DIP2C: variants seen among roughly 807,000 people sequenced by gnomAD.
DIP2C encodes DIP2 acetate--CoA ligase C (putative), also known as disco-interacting protein 2 homolog C.
A neutral mutation model predicts 192.4 loss-of-function variants in DIP2C; 33 were observed. The ratio of observed to expected loss-of-function variants is 0.17; its 90% CI spans 0.13 to 0.23. DIP2C has a LOEUF of 0.23. DIP2C is among the 10% of genes least tolerant of loss of function. DIP2C has a pLI of 1.00. For missense variants in DIP2C, 1,537 were observed against 2,110.1 expected, an observed-to-expected ratio of 0.73 and a Z score of 5.32; for synonymous variants, 979 against 864.1, an observed-to-expected ratio of 1.13 and a Z score of -2.33.
At chr10:285,680 G>A (rs3097721) in intron 34 of DIP2C, among the ~76,000 whole-genome samples, 149,491 of 152,326 alleles carry the variant, frequency 0.98, 73,416 homozygotes, top group East Asian at 1. Flanking sequence ...GGTGTCAAGA[G>A]AGGAGACCAA....
chr10:430,010 TGAGA>T (rs1162421594), intron 4 of DIP2C, among the ~76,000 whole-genome samples: 1 of 152,182 alleles, frequency 6.6e-6, no homozygotes, highest in African/African-American at 2.4e-5. Context: ...CAGCAATGAA[TGAGA>T]GAGAATTCCC....
intron 2 of DIP2C, 111 bp downstream of exon 2, chr10:486,348 G>T: frequency 2.0e-6 from 2 of 993,612 alleles, no homozygotes; most frequent in Non-Finnish European, 3.0e-6. Flanking sequence ...AACGCCAGAC[G>T]CCTCCTCCTG....
At chr10:373,042 T>C (rs541658447) in intron 17 of DIP2C, among the ~76,000 whole-genome samples, 16 of 152,294 alleles carry the variant, frequency 1.1e-4, no homozygotes, top group South Asian at 8.3e-4. Flanking sequence ...TTCCTCACTT[T>C]CAGATGAGAA....
chr10:375,196 G>A (rs567074885), intron 17 of DIP2C, among the ~76,000 whole-genome samples: 17 of 152,336 alleles, frequency 1.1e-4, no homozygotes, highest in African/African-American at 2.9e-4. Flanking sequence ...GCCTGTTCTC[G>A]CAGTAACACG....
chr10:530,992 C>G (rs1443469133), intron 1 of DIP2C, among the ~76,000 whole-genome samples: 1 of 152,164 alleles, frequency 6.6e-6, no homozygotes, highest in East Asian at 1.9e-4. Context: ...CAGGCAGCCC[C>G]GACTGGACAG....
intron 4 of DIP2C, among the ~76,000 whole-genome samples, chr10:424,621 C>T (rs1182393607): frequency 6.6e-6 from 1 of 152,156 alleles, no homozygotes; most frequent in Non-Finnish European, 1.5e-5. Flanking sequence ...GCCTCAGCCT[C>T]CCAAAGTGCT....
At chr10:605,062 T>A (rs1337674790) in intron 1 of DIP2C, among the ~76,000 whole-genome samples, 2 of 151,948 alleles carry the variant, frequency 1.3e-5, no homozygotes, top group South Asian at 4.2e-4. Flanking sequence ...AACCTTGGAG[T>A]TTACAGAAAA....
At chr10:279,432 C>T (rs1954696569) in intron 36 of DIP2C, among the ~76,000 whole-genome samples, 1 of 152,224 alleles carries the variant, frequency 6.6e-6, no homozygotes, top group Non-Finnish European at 1.5e-5. Flanking sequence ...GGTGTGCTTG[C>T]TCCACTATCT....
intron 1 of DIP2C, among the ~76,000 whole-genome samples, chr10:578,718 TAC>T (rs1260275584): frequency 4.6e-5 from 7 of 152,108 alleles, no homozygotes; most frequent in African/African-American, 1.7e-4. Context: ...ATACTATATG[TAC>T]ATAGGTACAG....
chr10:578,147 A>G (rs1564220039), intron 1 of DIP2C, among the ~76,000 whole-genome samples: 1 of 152,188 alleles, frequency 6.6e-6, no homozygotes, highest in Non-Finnish European at 1.5e-5. Context: ...CTTTTATCCT[A>G]AATATCTTCT....
intron 1 of DIP2C, among the ~76,000 whole-genome samples, chr10:568,542 C>G (rs1018138541): frequency 9.9e-5 from 15 of 151,916 alleles, no homozygotes; most frequent in African/African-American, 3.4e-4. Flanking sequence ...CCGAGACGGG[C>G]GGATCATGAG....
At chr10:599,122 G>C (rs1270693350) in intron 1 of DIP2C, among the ~76,000 whole-genome samples, 1 of 152,162 alleles carries the variant, frequency 6.6e-6, no homozygotes, top group Admixed American at 6.5e-5. Flanking sequence ...TGGGAGCCAA[G>C]TTAGAGACCC....
At chr10:517,271 T>G (rs1441699251) in intron 1 of DIP2C, among the ~76,000 whole-genome samples, 1 of 152,194 alleles carries the variant, frequency 6.6e-6, no homozygotes, top group Non-Finnish European at 1.5e-5. Flanking sequence ...ATTTACTTAC[T>G]GCCCAGAACA....
At chr10:305,474 G>A (rs761326215) in intron 32 of DIP2C, among the ~76,000 whole-genome samples, 10 of 152,160 alleles carry the variant, frequency 6.6e-5, no homozygotes, top group Non-Finnish European at 1.5e-5. Context: ...CTGCTCTCAG[G>A]ATCTTGATAC....
Position 384,094 on chromosome 10 carries a change from G to A in DIP2C, c.1809C>T (p.His603=), listed in dbSNP as rs897882260. The A allele has an allele frequency of 3.1e-6, 5 of 1,612,220 alleles. No individual in the cohort carries two copies. Among genetic ancestry groups the A allele is most frequent in the African/African-American group, 2.7e-5 (2 of 74,692 alleles). Residue 603 remains histidine, a synonymous_variant, in exon 16 of 37, where the codon CAC becomes CAT. Transcript: ENST00000280886. The stretch of plus-strand genomic sequence containing the variant: ...AGAGGTTGATGTCTCTCTGATCTCT[G>A]TGTGCTACTAATGCCCAATGCATAT... ...SRDMHWALVA[H]RDQRDINLSS...
intron 1 of DIP2C, among the ~76,000 whole-genome samples, chr10:606,594 A>AC (rs773186923): frequency 3.4e-4 from 51 of 150,706 alleles, no homozygotes; most frequent in Non-Finnish European, 8.9e-5. Flanking sequence ...TGCCGTAATT[A>AC]CCTGCTGTGA....
chr10:475,457 C>G (rs186894663), intron 2 of DIP2C, among the ~76,000 whole-genome samples: 93 of 152,290 alleles, frequency 6.1e-4, no homozygotes, highest in African/African-American at 2.1e-3. Flanking sequence ...CTGGTCCACT[C>G]AAACAGGCTT....
At chr10:441,074 G>A (rs751897718) in intron 3 of DIP2C, 78 bp from the exon 4 acceptor site, 64 of 1,490,486 alleles carry the variant, frequency 4.3e-5, no homozygotes, top group Non-Finnish European at 5.5e-5. Flanking sequence ...CTCTGTCCCT[G>A]CAGCACAGTT....
chr10:376,882 G>A (rs374730984), intron 17 of DIP2C, among the ~76,000 whole-genome samples: 1 of 152,206 alleles, frequency 6.6e-6, no homozygotes, highest in Admixed American at 6.5e-5. Context: ...AGTGAAAAAT[G>A]TGCATGTACC....
Sources: gnomAD v4.1 joint callset for allele counts (sites outside exome capture counted in the v4.1 genomes callset) on GRCh38, gnomAD v4.1.1 for gene constraint, MANE v1.5 for transcripts, NCBI Gene and HGNC (gene_info 2026-07-23, HGNC 2026-07-21) for gene names.